CDIN1: variants seen among roughly 807,000 people sequenced by gnomAD.
CDIN1 encodes CDAN1 interacting nuclease 1, also known as CDAN1-interacting nuclease 1.
In CDIN1, 33 loss-of-function variants were observed where a neutral mutation model predicts 45.3. The observed-to-expected ratio is 0.73, with a 90% CI of 0.55 to 0.97. The LOEUF (loss-of-function observed/expected upper bound fraction) is 0.97. CDIN1 is among the 50% of genes least tolerant of loss of function. The pLI is 0.00. For missense variants in CDIN1, 303 were observed against 339.4 expected, an observed-to-expected ratio of 0.89 and a Z score of 0.84; for synonymous variants, 118 against 124.4, an observed-to-expected ratio of 0.95 and a Z score of 0.34.
chr15:36,762,449 G>C (rs1396404984), intron 10 of CDIN1, among the ~76,000 whole-genome samples: 1 of 152,030 alleles, frequency 6.6e-6, no homozygotes, highest in African/African-American at 2.4e-5. Context: ...GACTTTTGCC[G>C]AGGCACCTCT....
chr15:36,620,790 T>TA (rs1555384951), intron 1 of CDIN1, among the ~76,000 whole-genome samples: 20,170 of 148,546 alleles, frequency 0.14, 1,481 homozygotes, highest in African/African-American at 0.2. Context: ...ATTTTTTTTT[T>TA]AAAGGCTTAA....
At chr15:36,582,657 A>G (rs547409728) in intron 1 of CDIN1, among the ~76,000 whole-genome samples, 1 of 152,344 alleles carries the variant, frequency 6.6e-6, no homozygotes, top group Admixed American at 6.5e-5. Context: ...AGAGGGTCTC[A>G]GGGACTCCAA....
chr15:36,648,852 A>T (rs986844675), intron 3 of CDIN1: 23 of 152,342 alleles, frequency 1.5e-4, no homozygotes, highest in African/African-American at 4.8e-4. Flanking sequence ...TGAACATTTT[A>T]AAAAAGTATT....
intron 1 of CDIN1, among the ~76,000 whole-genome samples, chr15:36,634,876 C>T (rs2039830997): frequency 6.6e-6 from 1 of 152,182 alleles, no homozygotes; most frequent in African/African-American, 2.4e-5. Flanking sequence ...TTTTCCATCA[C>T]TTCCTCTTTC....
At chr15:36,656,779 T>A (rs1394025078) in intron 4 of CDIN1, among the ~76,000 whole-genome samples, 1 of 152,124 alleles carries the variant, frequency 6.6e-6, no homozygotes, top group East Asian at 1.9e-4. Flanking sequence ...TTTAAGGGCA[T>A]CCAAGTACAT....
intron 5 of CDIN1, among the ~76,000 whole-genome samples, chr15:36,674,246 A>G: frequency 6.6e-6 from 1 of 152,154 alleles, no homozygotes; most frequent in Non-Finnish European, 1.5e-5. Context: ...ATGAATGAGC[A>G]TTAGGGTAAC....
chr15:36,780,860 T>C lies in CDIN1; in HGVS notation c.717-27464T>C, dbSNP rs989725263. On this transcript the variant is annotated intron_variant, in intron 10 of 10. Transcript: ENST00000566621. Reference sequence around the variant, plus strand: ...CACGTCCAACTCCAAGGACATTTCATAGCAAGAAATGACAGACCATGATTT... The same window carrying C: ...CACGTCCAACTCCAAGGACATTTCACAGCAAGAAATGACAGACCATGATTT... Among the ~76,000 whole-genome samples, 12 of 152,308 alleles carry C rather than the reference T, an allele frequency of 7.9e-5. No individual in the cohort carries two copies. The East Asian group carries it at 1.2e-3, about 15-fold the overall frequency.
At chr15:36,803,816 T>A (rs1024049316) in intron 10 of CDIN1, among the ~76,000 whole-genome samples, 1 of 152,228 alleles carries the variant, frequency 6.6e-6, no homozygotes, top group Non-Finnish European at 1.5e-5. Context: ...ATTCCTCAAA[T>A]ATCCTAGGAT....
chr15:36,763,277 T>C (rs2053824123), intron 10 of CDIN1, among the ~76,000 whole-genome samples: 1 of 152,248 alleles, frequency 6.6e-6, no homozygotes, highest in South Asian at 2.1e-4. Flanking sequence ...GTCTTTTGGC[T>C]GCATAAATGT....
rs1595751805 is a variant in CDIN1, at chr15:36,618,497, C to T, written c.102-25781C>T. 5.7e-6 allele frequency: 7 copies of T among 1,227,890 alleles called. No homozygotes were observed. The East Asian group carries it at 1.6e-4, about 29-fold the overall frequency. The allele number at this position is 1,227,890 out of a possible 1,614,324, so 76.1% of individuals were successfully genotyped here. On this transcript the variant is annotated intron_variant, in intron 1 of 10. Transcript: ENST00000566621. ...CATCCTTCAACAGCTGAATCAAAGC[C>T]TCCAACACCAAAGTTTGACTTACTA...
chr15:36,684,675 T>C (rs1263309991), intron 5 of CDIN1, among the ~76,000 whole-genome samples: 3 of 152,126 alleles, frequency 2.0e-5, no homozygotes, highest in African/African-American at 7.2e-5. Context: ...TCCTTGTACC[T>C]CTGGTAGAAT....
chr15:36,658,647 A>G lies in CDIN1; in HGVS notation c.346+742A>G, dbSNP rs1392274944. ...ATCTTCTGCATTTTTATTACCTAGT[A>G]TAATGTTTACCTTTGGAGCTCAGCT... On this transcript the variant is annotated intron_variant, in intron 5 of 10. Transcript: ENST00000566621. Among the ~76,000 whole-genome samples the G allele has an allele frequency of 2.0e-5, 3 of 152,330 alleles. No homozygotes were observed. The South Asian group carries it at 6.2e-4, about 32-fold the overall frequency.
intron 10 of CDIN1, 68 bp from the exon 11 acceptor site, chr15:36,808,256 C>T (rs2055293621): frequency 6.3e-7 from 1 of 1,583,608 alleles, no homozygotes; most frequent in Admixed American, 1.7e-5. Flanking sequence ...TATCAGTGCC[C>T]CAAGGTGACT....
chr15:36,579,669 G>T lies in CDIN1; in HGVS notation c.-192G>T. On this transcript the variant is annotated 5_prime_UTR_variant, in exon 1 of 11. Transcript: ENST00000566621. ...TCCCCGCCGCGGAGGTGCCGGTGGA[G>T]CCTGGGACCGGGCGAGTCTCCGCCC... The T allele has an allele frequency of 3.6e-6, 2 of 558,236 alleles. No individual in the cohort carries two copies. The highest frequency in any genetic ancestry group is 2.2e-5 in the South Asian group (1 of 45,242). The allele number at this position is 558,236 out of a possible 1,614,324, so 34.6% of individuals were successfully genotyped here. A position where few individuals can be genotyped will look rare whatever the true frequency, so the allele number is the denominator to read the frequency against.
intron 8 of CDIN1, chr15:36,704,334 A>C (rs555187054): frequency 6.6e-6 from 1 of 152,292 alleles, no homozygotes; most frequent in Admixed American, 6.5e-5. Context: ...ACTAACGGCT[A>C]TAATGAAGTT....
At chr15:36,778,037 C>G (rs2054263048) in intron 10 of CDIN1, among the ~76,000 whole-genome samples, 1 of 152,168 alleles carries the variant, frequency 6.6e-6, no homozygotes, top group Non-Finnish European at 1.5e-5. Flanking sequence ...TAGGATGTTT[C>G]TCCCCCTTGT....
intron 10 of CDIN1, 30 bp downstream of exon 10, chr15:36,709,991 AAAC>A (rs1485498283): frequency 6.6e-7 from 1 of 1,511,022 alleles, no homozygotes; most frequent in East Asian, 2.3e-5. Context: ...CTTTTAAGAT[AAAC>A]GATACTCAGC....
intron 10 of CDIN1, among the ~76,000 whole-genome samples, chr15:36,807,123 A>G (rs2055254134): frequency 1.3e-5 from 2 of 152,186 alleles, no homozygotes; most frequent in African/African-American, 4.8e-5. Flanking sequence ...TGGCTACCCC[A>G]CTAATGTGGA....
intron 10 of CDIN1, among the ~76,000 whole-genome samples, chr15:36,794,508 A>T (rs2054739098): frequency 1.3e-5 from 2 of 151,554 alleles, no homozygotes; most frequent in African/African-American, 4.9e-5. Flanking sequence ...TATGATTTTG[A>T]CCCCTTTAGA....
Sources: gnomAD v4.1 joint callset for allele counts (sites outside exome capture counted in the v4.1 genomes callset) on GRCh38, gnomAD v4.1.1 for gene constraint, MANE v1.5 for transcripts, NCBI Gene and HGNC (gene_info 2026-07-23, HGNC 2026-07-21) for gene names.